ANK3: variants seen among roughly 807,000 people sequenced by gnomAD.
The protein encoded by ANK3 is ankyrin-3.
ANK3 carries 57 observed loss-of-function variants against 370.9 expected under a neutral mutation model. The observed-to-expected ratio is 0.15, with a 90% confidence interval of 0.12 to 0.19. The LOEUF (loss-of-function observed/expected upper bound fraction) is 0.19. Among genes scored for constraint, ANK3 ranks in the 10% least tolerant of loss-of-function variants. The pLI is 1.00. For missense variants in ANK3, 4,439 were observed against 5,302.1 expected (o/e 0.84, Z 5.06); for synonymous variants, 1,929 against 1,946.3 (o/e 0.99, Z 0.23).
At chr10:60,684,754 C>T (rs1221266733) in intron 1 of ANK3, 3 of 1,570,594 alleles carry the variant, frequency 1.9e-6, no homozygotes, top group Admixed American at 1.7e-5. Context: ...GAAATTAATG[C>T]CACTATGGAA....
chr10:60,440,312 A>C (rs1475701980), intron 2 of ANK3, among the ~76,000 whole-genome samples: 1 of 152,182 alleles, frequency 6.6e-6, no homozygotes, highest in Non-Finnish European at 1.5e-5. Flanking sequence ...GGTAATTTAT[A>C]AAGAAAATAG....
intron 1 of ANK3, among the ~76,000 whole-genome samples, chr10:60,697,077 A>G (rs1361059964): frequency 1.3e-5 from 2 of 151,164 alleles, no homozygotes; most frequent in African/African-American, 2.4e-5. Flanking sequence ...AAATCAATGT[A>G]CAAAAATCAC....
intron 1 of ANK3, among the ~76,000 whole-genome samples, chr10:60,345,431 G>A (rs1286606792): frequency 6.6e-6 from 1 of 152,102 alleles, no homozygotes; most frequent in African/African-American, 2.4e-5. Flanking sequence ...CAAATATAAA[G>A]AGTACTGAAA....
intron 42 of ANK3, among the ~76,000 whole-genome samples, chr10:60,053,209 A>G (rs1198461995): frequency 6.6e-6 from 1 of 152,222 alleles, no homozygotes; most frequent in East Asian, 1.9e-4. Flanking sequence ...AAAGAGGTAA[A>G]AGGAATCTGT....
At chr10:60,478,509 A>G (rs1276987603) in intron 2 of ANK3, among the ~76,000 whole-genome samples, 2 of 152,132 alleles carry the variant, frequency 1.3e-5, no homozygotes, top group Non-Finnish European at 2.9e-5. Context: ...AGATGAAATA[A>G]ATGGTTATTC....
chr10:60,053,595 C>A lies in ANK3; in HGVS notation c.13065+2063G>T. The A allele has an allele frequency of 2.7e-6, 3 of 1,125,254 alleles. No individual in the cohort carries two copies. In the South Asian group the frequency reaches 4.6e-5, roughly 17 times the overall value. 69.7% of individuals were successfully genotyped at this position (1,125,254 alleles called of 1,614,324 possible). On this transcript the variant is annotated intron_variant, in intron 42 of 43. Coordinates refer to ENST00000280772, the MANE Select transcript of ANK3 (RefSeq NM_020987.5). ...ATCTAGGAATTGGTAAAGGGGAAAA[C>A]AAGGAAACCAAATGGAATTTTCTCA...
rs772280662 is a variant in ANK3 at position 60,173,012 on chromosome 10, A to G, written c.2284-14T>C. On this transcript the variant is annotated splice_polypyrimidine_tract_variant and intron_variant, in intron 19 of 43. Coordinates refer to ENST00000280772, the MANE Select transcript of ANK3 (RefSeq NM_020987.5). ...CGTATACCCATTCTGTAGAAGGAAGATGGAAGAGATGATTCTTAATTCCTT... is the reference window on the plus strand; with the variant it reads ...CGTATACCCATTCTGTAGAAGGAAGGTGGAAGAGATGATTCTTAATTCCTT... 1.2e-6 allele frequency: 2 copies of G among 1,608,796 alleles called. No homozygotes were observed. Among genetic ancestry groups the G allele is most frequent in the South Asian group, 2.2e-5 (2 of 90,948 alleles).
intron 28 of ANK3, among the ~76,000 whole-genome samples, chr10:60,090,898 A>G (rs2132035633): frequency 6.6e-6 from 1 of 152,234 alleles, no homozygotes; most frequent in South Asian, 2.1e-4. Flanking sequence ...TGGACGCAGC[A>G]ATACCATTTA....
chr10:60,214,169 T>C (rs1160105794), intron 8 of ANK3, among the ~76,000 whole-genome samples: 3 of 152,146 alleles, frequency 2.0e-5, no homozygotes, highest in Non-Finnish European at 4.4e-5. Flanking sequence ...TAATTAGATA[T>C]GCTTTTTTCA....
At chr10:60,143,887 C>T (rs531381466) in intron 23 of ANK3, among the ~76,000 whole-genome samples, 91 of 152,282 alleles carry the variant, frequency 6.0e-4, no homozygotes, top group African/African-American at 2.0e-3. Context: ...ATGATGATAG[C>T]ACCATGTTAT....
chr10:60,669,982 C>G (rs1046736074), intron 1 of ANK3, among the ~76,000 whole-genome samples: 22 of 152,028 alleles, frequency 1.4e-4, no homozygotes, highest in African/African-American at 5.1e-4. Context: ...GGCACCATGC[C>G]CAGCTACTTT....
At chr10:60,585,881 C>T (rs1290687653) in intron 2 of ANK3, among the ~76,000 whole-genome samples, 2 of 151,854 alleles carry the variant, frequency 1.3e-5, no homozygotes, top group African/African-American at 2.4e-5. Flanking sequence ...AAAATTAGCT[C>T]GACGTGGTGG....
intron 2 of ANK3, among the ~76,000 whole-genome samples, chr10:60,606,353 AT>A (rs563434983): frequency 1.5e-4 from 22 of 150,478 alleles, no homozygotes; most frequent in South Asian, 2.1e-4. Flanking sequence ...GTCTCATGAG[AT>A]TTTTTTTTTA....
intron 1 of ANK3, among the ~76,000 whole-genome samples, chr10:60,684,285 C>T (rs914192321): frequency 6.6e-6 from 1 of 152,188 alleles, no homozygotes; most frequent in South Asian, 2.1e-4. Flanking sequence ...GACAGTCTGG[C>T]GCGTCGCGCC....
At chr10:60,315,863 A>G (rs1351990406) in intron 1 of ANK3, among the ~76,000 whole-genome samples, 2 of 152,182 alleles carry the variant, frequency 1.3e-5, no homozygotes, top group East Asian at 3.9e-4. Context: ...GTGTTCCAGC[A>G]AGATTCTGCC....
At chr10:60,550,495 A>C (rs1480538847) in intron 2 of ANK3, among the ~76,000 whole-genome samples, 1 of 152,004 alleles carries the variant, frequency 6.6e-6, no homozygotes, top group South Asian at 2.1e-4. Context: ...AGTCTAAAAC[A>C]CTAAAAAGAA....
intron 2 of ANK3, among the ~76,000 whole-genome samples, chr10:60,503,414 C>T (rs1434780822): frequency 6.6e-6 from 1 of 152,132 alleles, no homozygotes; most frequent in Non-Finnish European, 1.5e-5. Context: ...TCACTAAATC[C>T]TCATAATAGC....
At chr10:60,368,312 T>G (rs1248603045) in intron 1 of ANK3, among the ~76,000 whole-genome samples, 2 of 152,146 alleles carry the variant, frequency 1.3e-5, no homozygotes, top group East Asian at 3.9e-4. Context: ...TGACGGAGCT[T>G]CACATTTCAT....
At chr10:60,200,527 G>T (rs186328854) in intron 12 of ANK3, among the ~76,000 whole-genome samples, 3 of 152,186 alleles carry the variant, frequency 2.0e-5, no homozygotes, top group East Asian at 1.9e-4. Flanking sequence ...AGCCAAGCAG[G>T]GGGGTGAGTG....
Sources: gnomAD v4.1 joint callset for allele counts (sites outside exome capture counted in the v4.1 genomes callset) on GRCh38, gnomAD v4.1.1 for gene constraint, MANE v1.5 for transcripts, NCBI Gene and HGNC (gene_info 2026-07-23, HGNC 2026-07-21) for gene names.